Variants in GRID2 observed in about 807,000 individuals in gnomAD.
The protein encoded by GRID2 is glutamate ionotropic receptor delta type subunit 2.
Under a neutral mutation model 114.8 loss-of-function variants are expected in GRID2, and 33 were observed. That is an observed-to-expected ratio of 0.29 (90% CI 0.22 to 0.38). The LOEUF (loss-of-function observed/expected upper bound fraction) is 0.38, where lower values mean the gene tolerates loss of function less well. Among genes scored for constraint, GRID2 ranks in the 10% least tolerant of loss-of-function variants. The probability of loss-of-function intolerance (pLI) is 1.00; values close to 1 mark genes in which losing one functional copy is unlikely to be tolerated. For missense variants in GRID2, 1,184 were observed against 1,257.7 expected (o/e 0.94, Z 0.89); for synonymous variants, 505 against 449.9 (o/e 1.12, Z -1.55).
At chr4:93,362,625 G>A (rs1395515120) in intron 8 of GRID2, among the ~76,000 whole-genome samples, 1 of 152,108 alleles carries the variant, frequency 6.6e-6, no homozygotes, top group East Asian at 1.9e-4. Flanking sequence ...GCTATGTAGG[G>A]AAGAAAAATC....
chr4:92,623,148 A>T, intron 2 of GRID2, among the ~76,000 whole-genome samples: 1 of 151,794 alleles, frequency 6.6e-6, no homozygotes, highest in Non-Finnish European at 1.5e-5. Flanking sequence ...ATATTTTAAA[A>T]TAGTTATTTT....
chr4:92,813,401 T>A (rs1018022030), intron 2 of GRID2, among the ~76,000 whole-genome samples: 1 of 152,134 alleles, frequency 6.6e-6, no homozygotes, highest in Non-Finnish European at 1.5e-5. Flanking sequence ...ATTTCATTAA[T>A]AGGTTCTACT....
Position 93,626,353 on chromosome 4 carries a change from A to G in GRID2, c.2278A>G (p.Thr760Ala). 6.2e-7 allele frequency: 1 copy of G among 1,605,298 alleles called. No individual in the cohort carries two copies. Among genetic ancestry groups the G allele is most frequent in the South Asian group, 1.1e-5 (1 of 90,832 alleles). ...AINDPDCSFYTIGNTVADRGY... is the reference protein window; with the variant it reads ...AINDPDCSFYAIGNTVADRGY... ...CAATGACCCAGATTGTTCCTTTTAC[A>G]CCATTGGAAATACTGTTGCTGATCG... The change falls in exon 14 of 16, where the codon ACC becomes GCC. Residue 760 changes from threonine to alanine, a missense_variant. Thr to Ala is a moderately conservative substitution (Grantham distance 58, BLOSUM62 0). Coordinates refer to ENST00000282020, the MANE Select transcript of GRID2 (RefSeq NM_001510.4).
chr4:92,737,792 T>G (rs945667723), intron 2 of GRID2, among the ~76,000 whole-genome samples: 1 of 152,140 alleles, frequency 6.6e-6, no homozygotes, highest in Non-Finnish European at 1.5e-5. Flanking sequence ...GAAATGAGTA[T>G]TTTTCTTCAT....
intron 13 of GRID2, among the ~76,000 whole-genome samples, chr4:93,552,332 A>G (rs904502927): frequency 4.6e-5 from 7 of 152,172 alleles, no homozygotes; most frequent in Admixed American, 3.3e-4. Context: ...TCGTGCTGCA[A>G]TAAACATACA....
At chr4:93,748,609 A>T (rs930197645) in intron 14 of GRID2, among the ~76,000 whole-genome samples, 1 of 152,162 alleles carries the variant, frequency 6.6e-6, no homozygotes, top group Non-Finnish European at 1.5e-5. Flanking sequence ...CGAAACCAAG[A>T]TTTTACTTAA....
intron 14 of GRID2, among the ~76,000 whole-genome samples, chr4:93,752,591 C>T (rs775517527): frequency 8.6e-5 from 13 of 152,020 alleles, no homozygotes; most frequent in African/African-American, 2.4e-4. Flanking sequence ...AGGATGGTCG[C>T]GATCTCCTGA....
At chr4:92,529,895 AG>A (rs1230207528) in intron 1 of GRID2, among the ~76,000 whole-genome samples, 2 of 152,116 alleles carry the variant, frequency 1.3e-5, no homozygotes, top group Non-Finnish European at 2.9e-5. Context: ...AATAGTAAAA[AG>A]CTTTAGAGAT....
chr4:92,576,096 C>T (rs556344328), intron 1 of GRID2, among the ~76,000 whole-genome samples: 10 of 152,272 alleles, frequency 6.6e-5, no homozygotes, highest in East Asian at 3.9e-4. Flanking sequence ...TGCCTTTGCC[C>T]GAGGGCACTC....
At chr4:92,334,585 C>T (rs143333695) in intron 1 of GRID2, among the ~76,000 whole-genome samples, 29 of 151,462 alleles carry the variant, frequency 1.9e-4, no homozygotes, top group South Asian at 1.7e-3. Context: ...AGTCTCAACT[C>T]GTTTTTTTTT....
At chr4:92,571,033 A>G (rs1025121472) in intron 1 of GRID2, among the ~76,000 whole-genome samples, 2 of 152,084 alleles carry the variant, frequency 1.3e-5, no homozygotes, top group Non-Finnish European at 1.5e-5. Flanking sequence ...CCGGTTTTAC[A>G]AGGGGAGTGC....
chr4:93,729,975 A>G (rs1283697390), intron 14 of GRID2, among the ~76,000 whole-genome samples: 1 of 152,170 alleles, frequency 6.6e-6, no homozygotes, highest in Non-Finnish European at 1.5e-5. Context: ...TCTAGGGCCT[A>G]ATACAGAGCC....
chr4:93,475,393 T>C (rs1725227266), intron 11 of GRID2, among the ~76,000 whole-genome samples: 1 of 152,122 alleles, frequency 6.6e-6, no homozygotes, highest in Non-Finnish European at 1.5e-5. Flanking sequence ...ATTCATAATG[T>C]TAAATGATTC....
At chr4:93,073,020 C>A (rs1728943993) in intron 2 of GRID2, among the ~76,000 whole-genome samples, 1 of 152,178 alleles carries the variant, frequency 6.6e-6, no homozygotes, top group Admixed American at 6.5e-5. Flanking sequence ...TCAAATGTTG[C>A]AAGTAACATA....
chr4:93,581,341 G>C (rs1736966662), intron 13 of GRID2, among the ~76,000 whole-genome samples: 1 of 152,094 alleles, frequency 6.6e-6, no homozygotes, highest in Non-Finnish European at 1.5e-5. Context: ...AGTGAAAAAA[G>C]TAGAAAGAGT....
chr4:92,632,702 G>T (rs905725319), intron 2 of GRID2, among the ~76,000 whole-genome samples: 4 of 151,754 alleles, frequency 2.6e-5, no homozygotes, highest in African/African-American at 4.8e-5. Context: ...GTGAAGAAAG[G>T]GAAGGAAGGG....
chr4:92,943,146 A>C (rs1309194963), intron 2 of GRID2, among the ~76,000 whole-genome samples: 1 of 152,104 alleles, frequency 6.6e-6, no homozygotes, highest in Non-Finnish European at 1.5e-5. Context: ...GTTCTCCTGG[A>C]TAATATCCTG....
At chr4:92,868,461 T>A (rs1162683375) in intron 2 of GRID2, among the ~76,000 whole-genome samples, 2 of 152,198 alleles carry the variant, frequency 1.3e-5, no homozygotes, top group Admixed American at 6.5e-5. Context: ...TTACAAAATA[T>A]TTGTTCTCTA....
chr4:92,898,135 T>C (rs1327674640), intron 2 of GRID2, among the ~76,000 whole-genome samples: 1 of 152,202 alleles, frequency 6.6e-6, no homozygotes, highest in Non-Finnish European at 1.5e-5. Context: ...GATCATTTTG[T>C]TGAAAATACA....
Sources: gnomAD v4.1 joint callset for allele counts (sites outside exome capture counted in the v4.1 genomes callset) on GRCh38, gnomAD v4.1.1 for gene constraint, MANE v1.5 for transcripts, NCBI Gene and HGNC (gene_info 2026-07-23, HGNC 2026-07-21) for gene names.